SNX29: variants seen among roughly 807,000 people sequenced by gnomAD.
SNX29 encodes sorting nexin-29.
SNX29 carries 78 observed loss-of-function variants against 102.1 expected under a neutral mutation model. The observed-to-expected ratio is 0.76, with a 90% CI of 0.64 to 0.92. The LOEUF (loss-of-function observed/expected upper bound fraction) is 0.92. Among genes scored for constraint, SNX29 ranks in the 40% least tolerant of loss-of-function variants. The pLI is 0.00. For missense variants in SNX29, 1,280 were observed against 1,061.7 expected (o/e 1.21, Z -2.86); for synonymous variants, 580 against 414.5 (o/e 1.40, Z -4.85).
At chr16:12,009,459 A>ATGTGTG (rs139936824) in intron 3 of SNX29, among the ~76,000 whole-genome samples, 2,212 of 149,074 alleles carry the variant, frequency 0.015, 31 homozygotes, top group African/African-American at 0.045. Context: ...GTGTGTATAT[A>ATGTGTG]TGTGTGTGTG....
At chr16:12,099,235 G>A (rs1464174753) in intron 11 of SNX29, among the ~76,000 whole-genome samples, 1 of 152,212 alleles carries the variant, frequency 6.6e-6, no homozygotes, top group Non-Finnish European at 1.5e-5. Flanking sequence ...TAGGTAGAGA[G>A]TGGTGTCTGA....
intron 15 of SNX29, among the ~76,000 whole-genome samples, chr16:12,311,951 G>C (rs2080569554): frequency 6.6e-6 from 1 of 152,148 alleles, no homozygotes; most frequent in African/African-American, 2.4e-5. Context: ...TTTCCATGAG[G>C]AACCGGGGCC....
intron 15 of SNX29, among the ~76,000 whole-genome samples, chr16:12,344,167 G>T (rs2081702804): frequency 6.6e-6 from 1 of 152,202 alleles, no homozygotes; most frequent in African/African-American, 2.4e-5. Context: ...TGTGGAACTT[G>T]TGAGTCCATT....
At chr16:12,370,094 T>C (rs1025054093) in intron 16 of SNX29, among the ~76,000 whole-genome samples, 5 of 151,284 alleles carry the variant, frequency 3.3e-5, no homozygotes, top group Non-Finnish European at 5.9e-5. Flanking sequence ...TGGTAGCATG[T>C]GCCCTTAATC....
chr16:12,128,290 T>C (rs2054305013), intron 12 of SNX29, among the ~76,000 whole-genome samples: 2 of 152,212 alleles, frequency 1.3e-5, no homozygotes, highest in Non-Finnish European at 2.9e-5. Flanking sequence ...TCTGTTACTT[T>C]TTTGTACTTC....
At chr16:12,355,832 C>A (rs1338911754) in intron 15 of SNX29, among the ~76,000 whole-genome samples, 1 of 110,292 alleles carries the variant, frequency 9.1e-6, no homozygotes, top group African/African-American at 3.6e-5. Context: ...CTTGACAGAG[C>A]GAGATCTTAT....
intron 14 of SNX29, among the ~76,000 whole-genome samples, chr16:12,200,686 T>A (rs2076892255): frequency 6.6e-6 from 1 of 152,212 alleles, no homozygotes; most frequent in Non-Finnish European, 1.5e-5. Context: ...GATTTCACCA[T>A]GTTGGCCAGT....
intron 14 of SNX29, among the ~76,000 whole-genome samples, chr16:12,259,268 A>C (rs967161079): frequency 2.0e-5 from 3 of 152,190 alleles, no homozygotes; most frequent in South Asian, 2.1e-4. Flanking sequence ...CCAGGTGTAC[A>C]TGGGAATCGT....
At chr16:12,474,847 G>C (rs2087516909) in intron 18 of SNX29, among the ~76,000 whole-genome samples, 1 of 152,214 alleles carries the variant, frequency 6.6e-6, no homozygotes, top group African/African-American at 2.4e-5. Flanking sequence ...GCCTGTAAAA[G>C]GCTGGTGAAG....
At chr16:12,171,455 C>G (rs1349621404) in intron 13 of SNX29, among the ~76,000 whole-genome samples, 13 of 152,188 alleles carry the variant, frequency 8.5e-5, no homozygotes, top group Admixed American at 8.5e-4. Context: ...AGAAGATTCT[C>G]ACGTTTTGAG....
chr16:12,265,170 A>C (rs544057421), intron 14 of SNX29, among the ~76,000 whole-genome samples: 4 of 152,286 alleles, frequency 2.6e-5, no homozygotes, highest in Non-Finnish European at 5.9e-5. Flanking sequence ...ATACTTTTGC[A>C]CCACTTGTTT....
chr16:12,078,494 G>A (rs755427569), intron 10 of SNX29, among the ~76,000 whole-genome samples: 2 of 152,154 alleles, frequency 1.3e-5, no homozygotes, highest in African/African-American at 4.8e-5. Flanking sequence ...ACAGCAAAGA[G>A]GATGCTTGTT....
rs896157085 is a variant in SNX29, at chr16:12,572,097, G to C, written c.*3468G>C. The C allele has an allele frequency of 1.9e-6, 2 of 1,060,428 alleles. No individual in the cohort carries two copies. The highest frequency in any genetic ancestry group is 3.3e-5 in the African/African-American group (2 of 60,908). The allele number at this position is 1,060,428 out of a possible 1,614,324, so 65.7% of individuals were successfully genotyped here. A position where few individuals can be genotyped will look rare whatever the true frequency, so the allele number is the denominator to read the frequency against. ...CTAGGAAGAGGAAGGGGAGGGATGTGGACTGGGTCTGATCACAGCCCTTGG... is the reference window on the plus strand; with the variant it reads ...CTAGGAAGAGGAAGGGGAGGGATGTCGACTGGGTCTGATCACAGCCCTTGG... On this transcript the variant is annotated 3_prime_UTR_variant, in exon 21 of 21. Coordinates refer to ENST00000566228, the MANE Select transcript of SNX29 (RefSeq NM_032167.5).
rs1480207609 is a variant in SNX29 at position 12,055,721 on chromosome 16, C to T, written c.1124+3499C>T. ...TCCTATCGAGGCCTTGCACTGCTTG[C>T]ATGAAGCCCACCCACATTATGCAGC... On this transcript the variant is annotated intron_variant, in intron 8 of 20. Transcript: ENST00000566228. 2.0e-5 allele frequency among the ~76,000 whole-genome samples: 3 copies of T among 152,282 alleles called. No homozygotes were observed. The East Asian group carries it at 5.8e-4, about 29-fold the overall frequency.
At chr16:12,133,935 A>C (rs2054565411) in intron 13 of SNX29, among the ~76,000 whole-genome samples, 1 of 152,306 alleles carries the variant, frequency 6.6e-6, no homozygotes, top group South Asian at 2.1e-4. Flanking sequence ...CCAGCATTTG[A>C]TTACACATTC....
At chr16:12,500,546 T>C (rs992569674) in intron 19 of SNX29, among the ~76,000 whole-genome samples, 1 of 152,366 alleles carries the variant, frequency 6.6e-6, no homozygotes, top group Non-Finnish European at 1.5e-5. Flanking sequence ...TTTCATGCAT[T>C]GGTGCCAGGC....
At chr16:12,230,838 ATG>A (rs1567336950) in intron 14 of SNX29, among the ~76,000 whole-genome samples, 15 of 114,948 alleles carry the variant, frequency 1.3e-4, no homozygotes, top group African/African-American at 2.8e-4. Flanking sequence ...GTATGTATGT[ATG>A]TATGTATATA....
At chr16:12,174,046 T>C (rs955564668) in intron 13 of SNX29, among the ~76,000 whole-genome samples, 2 of 152,218 alleles carry the variant, frequency 1.3e-5, no homozygotes, top group Admixed American at 6.5e-5. Flanking sequence ...CCTCCCAAAG[T>C]GTTGGGATTA....
chr16:12,194,381 C>T (rs987672990), intron 13 of SNX29, among the ~76,000 whole-genome samples: 1 of 152,098 alleles, frequency 6.6e-6, no homozygotes, highest in Admixed American at 6.5e-5. Context: ...CCATTTTTGT[C>T]AGTTCTTGGG....
Sources: allele counts gnomAD v4.1 joint callset (sites outside exome capture counted in the v4.1 genomes callset), GRCh38; gene constraint gnomAD v4.1.1; transcripts MANE v1.5; gene names NCBI Gene and HGNC (gene_info 2026-07-23, HGNC 2026-07-21).